Variants in STXBP5L observed in about 807,000 individuals in gnomAD.
STXBP5L encodes the protein syntaxin-binding protein 5-like.
Under a neutral mutation model 144.5 loss-of-function variants are expected in STXBP5L, and 65 were observed. The ratio of observed to expected loss-of-function variants is 0.45; its 90% CI spans 0.37 to 0.55. The LOEUF is 0.55. Ranked by LOEUF, STXBP5L falls within the 20% of genes least tolerant of loss-of-function variation. The probability of loss-of-function intolerance (pLI) is 0.00; values close to 1 mark genes in which losing one functional copy is unlikely to be tolerated. For missense variants in STXBP5L, 1,298 were observed against 1,405.5 expected (o/e 0.92, Z 1.22); for synonymous variants, 505 against 469.6 (o/e 1.08, Z -0.97).
intron 20 of STXBP5L, among the ~76,000 whole-genome samples, chr3:121,367,754 A>G (rs887492474): frequency 7.1e-6 from 1 of 140,100 alleles, no homozygotes; most frequent in Non-Finnish European, 1.5e-5. Flanking sequence ...GACTGTAGGC[A>G]TTTGCCACCA....
intron 8 of STXBP5L, among the ~76,000 whole-genome samples, chr3:121,156,174 T>G (rs2046104167): frequency 6.6e-6 from 1 of 151,980 alleles, no homozygotes; most frequent in South Asian, 2.1e-4. Flanking sequence ...TCATGTTGCT[T>G]TTTCCACTTA....
At chr3:121,191,524 C>T (rs1482315343) in intron 9 of STXBP5L, among the ~76,000 whole-genome samples, 1 of 151,960 alleles carries the variant, frequency 6.6e-6, no homozygotes, top group East Asian at 1.9e-4. Flanking sequence ...CAGAGGGAGA[C>T]TGTGCAAAGG....
At chr3:121,340,620 T>C (rs2044673771) in intron 20 of STXBP5L, among the ~76,000 whole-genome samples, 2 of 152,116 alleles carry the variant, frequency 1.3e-5, no homozygotes, top group Admixed American at 1.3e-4. Flanking sequence ...CTTAGAATGA[T>C]GGTTTTCAAC....
At chr3:121,025,869 A>G (rs1216388663) in intron 3 of STXBP5L, among the ~76,000 whole-genome samples, 23 of 146,918 alleles carry the variant, frequency 1.6e-4, no homozygotes. Flanking sequence ...ATTAAATTAT[A>G]TTATAATTAT....
At chr3:121,203,356 A>G (rs2108221588) in intron 9 of STXBP5L, among the ~76,000 whole-genome samples, 1 of 152,276 alleles carries the variant, frequency 6.6e-6, no homozygotes, top group African/African-American at 2.4e-5. Context: ...CAGTAAAACC[A>G]GTTTTAATCT....
intron 18 of STXBP5L, among the ~76,000 whole-genome samples, chr3:121,270,446 G>A (rs1405241383): frequency 6.6e-6 from 1 of 151,642 alleles, no homozygotes; most frequent in Non-Finnish European, 1.5e-5. Context: ...CTTTAATCGG[G>A]GGCAGTTCTT....
At position 121,254,879 on chromosome 3, in the gene STXBP5L, C is replaced by T; in HGVS notation, c.1442-16C>T. 1 of 1,570,784 alleles carries T rather than the reference C, an allele frequency of 6.4e-7. No individual in the cohort carries two copies. On this transcript the variant is annotated splice_polypyrimidine_tract_variant and intron_variant, in intron 15 of 26. Transcript: ENST00000471454. The stretch of plus-strand genomic sequence containing the variant: ...AAGTTTAAATTAGAAGATAACTGTG[C>T]TTCGATGTCTTATAGTAACTCTGCA...
At chr3:121,397,442 C>T (rs752282478) in intron 22 of STXBP5L, among the ~76,000 whole-genome samples, 1 of 152,198 alleles carries the variant, frequency 6.6e-6, no homozygotes, top group Admixed American at 6.5e-5. Context: ...ACTAATTCCT[C>T]TAACGCCTCC....
intron 3 of STXBP5L, among the ~76,000 whole-genome samples, chr3:121,028,999 A>G (rs956354102): frequency 1.3e-5 from 2 of 152,158 alleles, no homozygotes; most frequent in African/African-American, 4.8e-5. Flanking sequence ...TTCAAGACGA[A>G]CTACAAACTA....
chr3:121,091,623 G>A (rs75011862), intron 5 of STXBP5L, among the ~76,000 whole-genome samples: 32,330 of 151,372 alleles, frequency 0.21, 3,616 homozygotes, highest in Non-Finnish European at 0.26. Flanking sequence ...TTTTGATGGG[G>A]TTGTTTTTTT....
intron 20 of STXBP5L, among the ~76,000 whole-genome samples, chr3:121,369,973 G>C (rs528586926): frequency 2.2e-4 from 34 of 152,280 alleles, no homozygotes; most frequent in African/African-American, 8.2e-4. Context: ...GTAATTCCCA[G>C]TGTTGGAGGA....
chr3:121,211,578 CTTTTTTTTTTT>C (rs1188424283), intron 10 of STXBP5L, among the ~76,000 whole-genome samples: 1 of 110,260 alleles, frequency 9.1e-6, no homozygotes. Flanking sequence ...TTTTTTCTTT[CTTTTTTTTTTT>C]TTTTTTTTGA....
At chr3:121,105,808 C>T (rs188740358) in intron 5 of STXBP5L, among the ~76,000 whole-genome samples, 30 of 152,134 alleles carry the variant, frequency 2.0e-4, no homozygotes, top group South Asian at 2.1e-4. Flanking sequence ...AAAAATTCAA[C>T]GTCACATTAA....
At chr3:121,144,587 A>G (rs1305844914) in intron 7 of STXBP5L, among the ~76,000 whole-genome samples, 1 of 151,894 alleles carries the variant, frequency 6.6e-6, no homozygotes, top group Non-Finnish European at 1.5e-5. Flanking sequence ...AAATAGAACT[A>G]CCTATATAAT....
chr3:121,060,585 G>T (rs571841305), intron 5 of STXBP5L, among the ~76,000 whole-genome samples: 1 of 152,216 alleles, frequency 6.6e-6, no homozygotes. Flanking sequence ...GAATTCAGCT[G>T]TGAATCTGTC....
chr3:121,355,485 G>T (rs2045473454), intron 20 of STXBP5L, among the ~76,000 whole-genome samples: 1 of 152,052 alleles, frequency 6.6e-6, no homozygotes, highest in African/African-American at 2.4e-5. Context: ...ATCAGCTATT[G>T]AATCTTGTGC....
At chr3:121,394,570 A>G (rs995771473) in intron 22 of STXBP5L, among the ~76,000 whole-genome samples, 9 of 148,726 alleles carry the variant, frequency 6.1e-5, no homozygotes, top group Non-Finnish European at 1.0e-4. Context: ...ATTATTTTGA[A>G]GCATATTCTT....
intron 19 of STXBP5L, among the ~76,000 whole-genome samples, chr3:121,301,237 T>C (rs1044025538): frequency 5.9e-5 from 9 of 152,238 alleles, no homozygotes; most frequent in African/African-American, 1.9e-4. Flanking sequence ...CAGTGGTTTG[T>C]AGTTCTCCTT....
intron 3 of STXBP5L, among the ~76,000 whole-genome samples, chr3:120,990,255 G>A (rs905868371): frequency 6.6e-5 from 10 of 152,262 alleles, no homozygotes; most frequent in East Asian, 1.9e-4. Context: ...TACAAGGGAC[G>A]TGAAGGACCT....
Sources: gnomAD v4.1 joint callset for allele counts (sites outside exome capture counted in the v4.1 genomes callset) on GRCh38, gnomAD v4.1.1 for gene constraint, MANE v1.5 for transcripts, NCBI Gene and HGNC (gene_info 2026-07-23, HGNC 2026-07-21) for gene names.